Variants in ZBTB20 observed in about 807,000 individuals in gnomAD.
ZBTB20 encodes zinc finger and BTB domain containing 20.
A neutral mutation model predicts 56.9 loss-of-function variants in ZBTB20; 9 were observed. The observed-to-expected ratio is 0.16, with a 90% CI of 0.10 to 0.28. The LOEUF (loss-of-function observed/expected upper bound fraction) is 0.28. Among genes scored for constraint, ZBTB20 ranks in the 10% least tolerant of loss-of-function variants. The pLI is 1.00. For synonymous variants in ZBTB20, 417 were observed against 420.7 expected (o/e 0.99, Z 0.11); for missense variants, 655 against 1,003.0 (o/e 0.65, Z 4.69).
At chr3:115,073,807 T>C (rs9815319) in intron 1 of ZBTB20, among the ~76,000 whole-genome samples, 19,732 of 143,752 alleles carry the variant, frequency 0.14, 1,949 homozygotes, top group East Asian at 0.59. Context: ...AATTATAAAA[T>C]ATTTTAAATT....
At chr3:114,900,063 C>T (rs1286049025) in intron 4 of ZBTB20, among the ~76,000 whole-genome samples, 7 of 152,078 alleles carry the variant, frequency 4.6e-5, no homozygotes, top group Non-Finnish European at 5.9e-5. Context: ...CAGATGAATG[C>T]TTTGTAATTA....
intron 10 of ZBTB20, chr3:114,367,161 A>G (rs1210535849): frequency 1.6e-4 from 25 of 152,274 alleles, no homozygotes; most frequent in Admixed American, 1.6e-3. Context: ...CCTAAGGTGA[A>G]TGGACAGATT....
chr3:115,063,093 A>C (rs944897862), intron 2 of ZBTB20, among the ~76,000 whole-genome samples: 2 of 152,182 alleles, frequency 1.3e-5, no homozygotes, highest in African/African-American at 4.8e-5. Context: ...CATTGTTTTT[A>C]TCATTCAAAC....
chr3:114,462,854 G>A (rs2092391609), intron 7 of ZBTB20, among the ~76,000 whole-genome samples: 1 of 152,196 alleles, frequency 6.6e-6, no homozygotes, highest in South Asian at 2.1e-4. Flanking sequence ...TCATAAGAAA[G>A]CTAACCATGT....
At chr3:114,767,357 T>G (rs560678525) in intron 5 of ZBTB20, among the ~76,000 whole-genome samples, 1 of 152,046 alleles carries the variant, frequency 6.6e-6, no homozygotes, top group African/African-American at 2.4e-5. Context: ...TTCTCAAAAC[T>G]GGGATGGTGA....
intron 3 of ZBTB20, among the ~76,000 whole-genome samples, chr3:114,971,562 T>C (rs527580455): frequency 2.0e-5 from 3 of 152,288 alleles, no homozygotes; most frequent in Admixed American, 2.0e-4. Flanking sequence ...AGAAGTAAAC[T>C]GACGAAAGGA....
In ZBTB20 at chr3:114,866,660, T is replaced by A. The variant is rs529689640; in HGVS notation, c.-417+33644A>T. 2.1e-4 allele frequency among the ~76,000 whole-genome samples: 32 copies of A among 152,280 alleles called. 1 individual carries two copies. The South Asian group carries it at 3.7e-3, about 18-fold the overall frequency. ...TGGAACAGAACAAAAAGGCTGACTC[T>A]CTCACAGGTAATAGGGAATTTCTCC... is the stretch of plus-strand genomic sequence containing the variant. On this transcript the variant is annotated intron_variant, in intron 4 of 11. Coordinates refer to ENST00000675478, the MANE Select transcript of ZBTB20 (RefSeq NM_001348800.3).
At chr3:114,994,983 C>T (rs951403628) in intron 2 of ZBTB20, among the ~76,000 whole-genome samples, 3 of 151,834 alleles carry the variant, frequency 2.0e-5, no homozygotes, top group East Asian at 1.9e-4. Context: ...ACATAGATTG[C>T]AAACCATGGC....
At chr3:114,437,142 C>T (rs1239775120) in intron 7 of ZBTB20, among the ~76,000 whole-genome samples, 1 of 152,058 alleles carries the variant, frequency 6.6e-6, no homozygotes, top group Non-Finnish European at 1.5e-5. Flanking sequence ...CACAAGGACC[C>T]TAGGCTCTGC....
At chr3:114,625,840 G>C (rs1339722889) in intron 6 of ZBTB20, among the ~76,000 whole-genome samples, 1 of 151,976 alleles carries the variant, frequency 6.6e-6, no homozygotes, top group East Asian at 1.9e-4. Context: ...GAAAAACAAG[G>C]TTCAACATAA....
At chr3:114,659,092 T>G (rs2060575234) in intron 6 of ZBTB20, among the ~76,000 whole-genome samples, 4 of 152,200 alleles carry the variant, frequency 2.6e-5, no homozygotes, top group Admixed American at 2.0e-4. Context: ...CTTTTCTTTC[T>G]TCCTTGTAGT....
At chr3:114,659,505 T>A (rs961686580) in intron 6 of ZBTB20, among the ~76,000 whole-genome samples, 2 of 152,188 alleles carry the variant, frequency 1.3e-5, no homozygotes, top group African/African-American at 4.8e-5. Flanking sequence ...CATTTCAAAC[T>A]AAGTAATCTA....
chr3:114,784,144 T>C (rs1004958835), intron 5 of ZBTB20, among the ~76,000 whole-genome samples: 3 of 152,242 alleles, frequency 2.0e-5, no homozygotes, highest in Non-Finnish European at 4.4e-5. Context: ...GAAAATATGC[T>C]GTCCTCCTTC....
chr3:114,905,125 C>G (rs2075273600), intron 3 of ZBTB20, among the ~76,000 whole-genome samples: 1 of 151,894 alleles, frequency 6.6e-6, no homozygotes, highest in Non-Finnish European at 1.5e-5. Flanking sequence ...ATCCACACTT[C>G]ACAGCATATT....
chr3:115,130,886 C>T (rs2084485073), intron 1 of ZBTB20, among the ~76,000 whole-genome samples: 1 of 152,102 alleles, frequency 6.6e-6, no homozygotes, highest in Admixed American at 6.5e-5. Flanking sequence ...CTCAGCCTCC[C>T]AAGTAGCTGG....
chr3:114,851,533 T>A (rs1230405795), intron 4 of ZBTB20, among the ~76,000 whole-genome samples: 1 of 152,128 alleles, frequency 6.6e-6, no homozygotes, highest in Non-Finnish European at 1.5e-5. Flanking sequence ...ATTTCCAATT[T>A]TGTGCATTTG....
chr3:114,520,471 C>A (rs1006557429), intron 6 of ZBTB20, among the ~76,000 whole-genome samples: 1 of 152,062 alleles, frequency 6.6e-6, no homozygotes. Flanking sequence ...AAGGGTAAAT[C>A]GTAGGCATTT....
At chr3:114,836,447 A>C (rs1444557659) in intron 4 of ZBTB20, among the ~76,000 whole-genome samples, 2 of 152,246 alleles carry the variant, frequency 1.3e-5, no homozygotes, top group African/African-American at 4.8e-5. Flanking sequence ...TAGAATAGCA[A>C]TAATGAGCAC....
In ZBTB20 at chr3:114,332,315, C is replaced by T. The variant is rs1324705920; in HGVS notation, c.*6690G>A. 1 of 151,996 alleles carries T rather than the reference C, an allele frequency of 6.6e-6. No homozygotes were observed. The highest frequency in any genetic ancestry group is 2.4e-5 in the African/African-American group (1 of 41,370). The allele number at this position is 151,996 out of a possible 1,614,324, so 9.4% of individuals were successfully genotyped here. On this transcript the variant is annotated 3_prime_UTR_variant, in exon 12 of 12. Transcript: ENST00000675478. ...AACCACCAGATAAAACAGATGTTCT[C>T]TAAAACTGAGGAAAAAAAGTTTAGA...
Sources: gnomAD v4.1 joint callset for allele counts (sites outside exome capture counted in the v4.1 genomes callset) on GRCh38, gnomAD v4.1.1 for gene constraint, MANE v1.5 for transcripts, NCBI Gene and HGNC (gene_info 2026-07-23, HGNC 2026-07-21) for gene names.